The following TMEM132C variants were observed in gnomAD, a reference collection of about 807,000 sequenced individuals.
The protein encoded by TMEM132C is protein phosphatase 1, regulatory subunit 152.
Under a neutral mutation model 61.4 loss-of-function variants are expected in TMEM132C, and 29 were observed. That is an observed-to-expected ratio of 0.47 (90% CI 0.35 to 0.64). The LOEUF (loss-of-function observed/expected upper bound fraction) is 0.64, where lower values mean the gene tolerates loss of function less well. Among genes scored for constraint, TMEM132C ranks in the 30% least tolerant of loss-of-function variants. TMEM132C has a pLI of 0.00. For missense variants in TMEM132C, 1,408 were observed against 1,476.9 expected, an observed-to-expected ratio of 0.95 and a Z score of 0.76; for synonymous variants, 656 against 633.1, an observed-to-expected ratio of 1.04 and a Z score of -0.54.
chr12:128,493,399 A>G (rs1256717929), intron 2 of TMEM132C, among the ~76,000 whole-genome samples: 3 of 152,210 alleles, frequency 2.0e-5, no homozygotes, highest in Non-Finnish European at 4.4e-5. Context: ...AGTAATTGGT[A>G]GCTTGATGGG....
chr12:128,309,239 T>G (rs561825472), intron 1 of TMEM132C, among the ~76,000 whole-genome samples: 133 of 152,306 alleles, frequency 8.7e-4, no homozygotes, highest in African/African-American at 3.2e-3. Context: ...CAGAAAGATT[T>G]AAATCTTGCT....
chr12:128,507,576 G>C (rs962076346), intron 2 of TMEM132C, among the ~76,000 whole-genome samples: 1 of 151,978 alleles, frequency 6.6e-6, no homozygotes, highest in Non-Finnish European at 1.5e-5. Context: ...AAAAATCTCC[G>C]TGAGTCCCAA....
At chr12:128,660,163 C>T (rs142376833) in intron 4 of TMEM132C, among the ~76,000 whole-genome samples, 36 of 152,266 alleles carry the variant, frequency 2.4e-4, no homozygotes, top group African/African-American at 8.2e-4. Flanking sequence ...AGAGAAAACA[C>T]GCTTGAGAGA....
intron 3 of TMEM132C, among the ~76,000 whole-genome samples, chr12:128,562,156 A>G (rs1458592038): frequency 6.6e-6 from 1 of 152,216 alleles, no homozygotes; most frequent in Admixed American, 6.5e-5. Context: ...GCACAAGCCC[A>G]TGTGGCTTGG....
chr12:128,291,973 G>A (rs12426761), intron 1 of TMEM132C, among the ~76,000 whole-genome samples: 13,385 of 152,104 alleles, frequency 0.088, 719 homozygotes, highest in East Asian at 0.2. Flanking sequence ...CCTGCCCCAC[G>A]GGTGGCCTTG....
At position 128,312,053 on chromosome 12, in the gene TMEM132C, ACT is replaced by A. The variant is rs1871987761; in HGVS notation, c.85+44569_85+44570del. Among the ~76,000 whole-genome samples the A allele has an allele frequency of 2.0e-5, 3 of 151,852 alleles. No individual in the cohort carries two copies. In the South Asian group the frequency reaches 6.2e-4, roughly 32 times the overall value. On this transcript the variant is annotated intron_variant, in intron 1 of 8. Coordinates refer to ENST00000435159, the MANE Select transcript of TMEM132C (RefSeq NM_001136103.3). ...CGGTTTGCAAAGTCGGGCGGTGGAG[ACT>A]CTTCAGGGCAGCCGGCTGGAGGTGC...
At chr12:128,405,774 T>C (rs1397201939) in intron 1 of TMEM132C, among the ~76,000 whole-genome samples, 3 of 152,206 alleles carry the variant, frequency 2.0e-5, no homozygotes, top group East Asian at 1.9e-4. Context: ...GTGCATACAT[T>C]ATCTGGTTCA....
chr12:128,631,007 G>A (rs1215523002), intron 4 of TMEM132C, among the ~76,000 whole-genome samples: 1 of 152,172 alleles, frequency 6.6e-6, no homozygotes, highest in African/African-American at 2.4e-5. Context: ...ATTCCAGCCT[G>A]GGCAACAGAG....
chr12:128,492,949 C>G (rs1418792779), intron 2 of TMEM132C, among the ~76,000 whole-genome samples: 1 of 152,050 alleles, frequency 6.6e-6, no homozygotes, highest in African/African-American at 2.4e-5. Flanking sequence ...AATGGTATTG[C>G]CTAGGTTTTC....
At chr12:128,638,950 GTGGTGA>G (rs1565999034) in intron 4 of TMEM132C, among the ~76,000 whole-genome samples, 3 of 24,794 alleles carry the variant, frequency 1.2e-4, no homozygotes, top group Admixed American at 4.7e-4. Context: ...GGTGATGATG[GTGGTGA>G]TGGTGATGGT....
chr12:128,627,405 T>G (rs1020381177), intron 4 of TMEM132C, among the ~76,000 whole-genome samples: 1 of 152,182 alleles, frequency 6.6e-6, no homozygotes, highest in African/African-American at 2.4e-5. Context: ...ATCTTCCTTA[T>G]GTTTTCATTT....
At chr12:128,645,490 T>C (rs1954189225) in intron 4 of TMEM132C, among the ~76,000 whole-genome samples, 1 of 152,164 alleles carries the variant, frequency 6.6e-6, no homozygotes, top group African/African-American at 2.4e-5. Flanking sequence ...GCTTGAGTTA[T>C]CCAGATTTCG....
chr12:128,329,548 A>G (rs60820487), intron 1 of TMEM132C, among the ~76,000 whole-genome samples: 6,593 of 152,268 alleles, frequency 0.043, 494 homozygotes, highest in African/African-American at 0.15. Context: ...ACTGGGGGGC[A>G]GAGTCCCACT....
At chr12:128,359,493 C>T (rs181875041) in intron 1 of TMEM132C, among the ~76,000 whole-genome samples, 20 of 152,254 alleles carry the variant, frequency 1.3e-4, no homozygotes, top group South Asian at 1.2e-3. Context: ...ATTTGGGTGG[C>T]GACACAGCCA....
At chr12:128,688,272 C>T (rs759405729) in intron 5 of TMEM132C, among the ~76,000 whole-genome samples, 6 of 152,208 alleles carry the variant, frequency 3.9e-5, no homozygotes, top group South Asian at 2.1e-4. Context: ...ATGGCTGAAA[C>T]GGTCCAGTCA....
intron 3 of TMEM132C, among the ~76,000 whole-genome samples, chr12:128,582,507 T>A (rs991867799): frequency 1.3e-5 from 2 of 151,672 alleles, no homozygotes; most frequent in Non-Finnish European, 2.9e-5. Flanking sequence ...TCTTGAATTG[T>A]GCTCCCATAA....
At chr12:128,661,432 G>C (rs1954388286) in intron 4 of TMEM132C, among the ~76,000 whole-genome samples, 1 of 152,168 alleles carries the variant, frequency 6.6e-6, no homozygotes, top group Non-Finnish European at 1.5e-5. Context: ...CTCAGGGAAG[G>C]ACGGCCTCAC....
intron 5 of TMEM132C, 65 bp downstream of exon 5, chr12:128,669,625 A>G: frequency 1.3e-6 from 2 of 1,524,730 alleles, no homozygotes; most frequent in Non-Finnish European, 1.8e-6. Context: ...CCCGTTTGCT[A>G]GGGACATTTA....
Position 128,353,661 on chromosome 12 carries a change from T to C in TMEM132C, c.86-61071T>C, listed in dbSNP as rs987246541. Among the ~76,000 whole-genome samples the C allele has an allele frequency of 2.0e-5, 3 of 152,184 alleles. 1 individual carries two copies. The South Asian group carries it at 6.3e-4, about 32-fold the overall frequency. ...TAACGATGCTGTTTGTTTTCCCACA[T>C]TGGCAGAGAGCACAGGAGGAGGCAG... is the stretch of plus-strand genomic sequence containing the variant. On this transcript the variant is annotated intron_variant, in intron 1 of 8. Coordinates refer to ENST00000435159, the MANE Select transcript of TMEM132C (RefSeq NM_001136103.3).
Sources: allele counts gnomAD v4.1 joint callset (sites outside exome capture counted in the v4.1 genomes callset), GRCh38; gene constraint gnomAD v4.1.1; transcripts MANE v1.5; gene names NCBI Gene and HGNC (gene_info 2026-07-23, HGNC 2026-07-21).